MARF1: variants seen among roughly 807,000 people sequenced by gnomAD.
MARF1 encodes limkain-b1.
A neutral mutation model predicts 168.2 loss-of-function variants in MARF1; 24 were observed. That is an observed-to-expected ratio of 0.14 (90% CI 0.10 to 0.20). The LOEUF (loss-of-function observed/expected upper bound fraction) is 0.20, where lower values mean the gene tolerates loss of function less well. MARF1 is among the 10% of genes least tolerant of loss of function. MARF1 has a pLI of 1.00. For synonymous variants in MARF1, 868 were observed against 822.4 expected, an observed-to-expected ratio of 1.06 and a Z score of -0.95; for missense variants, 1,744 against 2,143.6, an observed-to-expected ratio of 0.81 and a Z score of 3.68.
Position 15,615,786 on chromosome 16 carries a change from T to C in MARF1, c.3253+44A>G, listed in dbSNP as rs562337328. On this transcript the variant is annotated intron_variant, in intron 16 of 26. Transcript: ENST00000396368. ...AAGCCAATAGCCTCCTCTGGTCTCATAGTGGACAGGTGGTAGCTCCAGGAC... is the reference window on the plus strand; with the variant it reads ...AAGCCAATAGCCTCCTCTGGTCTCACAGTGGACAGGTGGTAGCTCCAGGAC... 42 of 1,402,412 alleles carry C rather than the reference T, an allele frequency of 3.0e-5. No individual in the cohort carries two copies. The African/African-American group carries it at 3.1e-4, about 10-fold the overall frequency. The allele number at this position is 1,402,412 out of a possible 1,614,324, so 86.9% of individuals were successfully genotyped here. A position where few individuals can be genotyped will look rare whatever the true frequency, so the allele number is the denominator to read the frequency against.
chr16:15,613,619 A>AC (rs1281740654), intron 16 of MARF1, among the ~76,000 whole-genome samples: 1 of 150,732 alleles, frequency 6.6e-6, no homozygotes, highest in Non-Finnish European at 1.5e-5. Context: ...CCTAGATTGC[A>AC]CCACTGCACT....
intron 24 of MARF1, 40 bp from the exon 25 acceptor site, chr16:15,600,593 G>A (rs1037794067): frequency 1.2e-6 from 2 of 1,614,192 alleles, no homozygotes; most frequent in Non-Finnish European, 1.7e-6. Context: ...AAATGTCAGT[G>A]AGAGAACCGT....
intron 13 of MARF1, among the ~76,000 whole-genome samples, chr16:15,619,789 T>C (rs1386873962): frequency 6.6e-6 from 1 of 152,186 alleles, no homozygotes; most frequent in Non-Finnish European, 1.5e-5. Context: ...GGCTGGGTGC[T>C]TAGGATACAG....
At chr16:15,598,148 G>C (rs1274536086) in intron 26 of MARF1, among the ~76,000 whole-genome samples, 1 of 152,204 alleles carries the variant, frequency 6.6e-6, no homozygotes, top group African/African-American at 2.4e-5. Context: ...GACACCGCAG[G>C]ACAAGAGGGC....
chr16:15,601,438 AAC>A (rs1419854180), intron 23 of MARF1: 2 of 239,474 alleles, frequency 8.4e-6, no homozygotes, highest in African/African-American at 2.2e-5. Context: ...AGCTCTCTCC[AAC>A]ACAGTCCTCC....
At chr16:15,602,563 G>A (rs1383243443) in intron 22 of MARF1, 1 of 467,632 alleles carries the variant, frequency 2.1e-6, no homozygotes. Context: ...ATTGGACAAA[G>A]ACAAAGATGA....
rs780267989 is a variant in MARF1, at chr16:15,636,166, A to G, written c.321T>C (p.Asn107=). 1.2e-6 allele frequency: 2 copies of G among 1,614,116 alleles called. No individual in the cohort carries two copies. Among genetic ancestry groups the G allele is most frequent in the African/African-American group, 1.3e-5 (1 of 74,948 alleles). ...AACGCATTGGCGAAGTGGAGGGTTC[A>G]TTAGGGCAATGAGCACAGCAGCTTA... is the stretch of plus-strand genomic sequence containing the variant. ...PKVSCCAHCP[N]EPSTSPMRFG... Residue 107 remains asparagine (N), a synonymous_variant, in exon 3 of 27, where the codon AAT becomes AAC. Transcript: ENST00000396368.
At position 15,600,526 on chromosome 16, in the gene MARF1, G is replaced by C. The variant is rs541183910; in HGVS notation, c.4715C>G (p.Pro1572Arg). The C allele has an allele frequency of 1.1e-4, 182 of 1,614,228 alleles. 1 individual carries two copies. In the East Asian group the frequency reaches 3.3e-3, roughly 29 times the overall value. Residue 1572 changes from proline (P) to arginine (R), a missense_variant, in exon 25 of 27, where the codon CCT becomes CGT. Pro to Arg is a moderately radical substitution (Grantham distance 103). This residue lies in a region of MARF1 where 313 missense variants were observed against 337.4 expected (regional missense o/e 0.93). Transcript: ENST00000396368. ...KSRLSSLSLS[P>R]ANHENQPSEG... is the part of the protein sequence containing the mutation. ...CGAGGGCTGGTTTTCATGATTGGCA[G>C]GGGAGAGACTGAGTGAACTCAAACG...
At chr16:15,601,204 C>T (rs927495757) in intron 23 of MARF1, 10 of 391,042 alleles carry the variant, frequency 2.6e-5, no homozygotes, top group South Asian at 5.6e-5. Flanking sequence ...ATGTGCACAC[C>T]GTCGCCAGGT....
chr16:15,609,876 T>A (rs1276063172), intron 19 of MARF1, 151 bp from the exon 20 acceptor site: 3 of 649,660 alleles, frequency 4.6e-6, no homozygotes, highest in Admixed American at 6.0e-5. Flanking sequence ...ACATATACTC[T>A]TCCCTCTTTG....
intron 17 of MARF1, 144 bp from the exon 18 acceptor site, chr16:15,611,878 C>G: frequency 1.6e-6 from 1 of 639,024 alleles, no homozygotes; most frequent in Non-Finnish European, 2.6e-6. Flanking sequence ...TGTCGATCAA[C>G]AAAATGTAGT....
In MARF1 at chr16:15,636,317, A is replaced by G. The variant is rs1483682304; in HGVS notation, c.170T>C (p.Val57Ala). Residue 57 changes from valine to alanine, a missense_variant, in exon 3 of 27, where the codon GTT (valine) becomes GCT (alanine). By Grantham distance (64) the Val-to-Ala change is moderately conservative. Coordinates refer to ENST00000396368, the MANE Select transcript of MARF1 (RefSeq NM_014647.4). ...QTKEYMENKK[V>A]AVELKDVPSP... ...TGGTACATCCTTTAGTTCCACAGCA[A>G]CTTTCTTGTTCTCCATGTACTCTTT... is the stretch of plus-strand genomic sequence containing the variant. The G allele has an allele frequency of 1.3e-6, 2 of 1,568,684 alleles. No homozygotes were observed. The highest frequency in any genetic ancestry group is 1.7e-6 in the Non-Finnish European group (2 of 1,157,020).
At position 15,635,895 on chromosome 16, in the gene MARF1, G is replaced by A. The variant is rs368379246; in HGVS notation, c.592C>T (p.His198Tyr). 6.2e-6 allele frequency: 10 copies of A among 1,614,044 alleles called. No homozygotes were observed. Among genetic ancestry groups the A allele is most frequent in the African/African-American group, 4.0e-5 (3 of 74,944 alleles). The change falls in exon 3 of 27, where the codon CAC becomes TAC. Residue 198 changes from histidine (H) to tyrosine (Y), a missense_variant. His to Tyr is a moderately conservative substitution (Grantham distance 83). This residue lies in a region of MARF1 where 318 missense variants were observed against 336.6 expected (regional missense o/e 0.94). Coordinates refer to ENST00000396368, the MANE Select transcript of MARF1 (RefSeq NM_014647.4). ...ACATTACCATGACATGACTGGAAGT[G>A]GAGTTTTCCACAACAGGGCAGGTGT... The part of the protein sequence containing the change: ...CKHLPCCGKL[H>Y]FQSCHGNVHK...
rs1309264920 is a variant in MARF1, at chr16:15,634,911, G to A, written c.852C>T (p.Ile284=). The A allele has an allele frequency of 3.7e-6, 6 of 1,613,144 alleles. No individual in the cohort carries two copies. The highest frequency in any genetic ancestry group is 1.3e-5 in the African/African-American group (1 of 74,978). Residue 284 remains isoleucine (I), a synonymous_variant, in exon 4 of 27, where the codon ATC becomes ATT. Transcript: ENST00000396368. ...CLNKPARNSI[I]DAAKVWPNIP... is the part of the protein sequence containing the mutation. ...TATTTGGCCAGACTTTAGCCGCATC[G>A]ATTATGCTATTTCTTGCTGGCTGTT...
At chr16:15,608,199 G>A (rs2033180913) in intron 21 of MARF1, 92 bp downstream of exon 21, 11 of 783,848 alleles carry the variant, frequency 1.4e-5, no homozygotes, top group Non-Finnish European at 2.2e-5. Flanking sequence ...ATAAAGAAAC[G>A]CTACAGCACA....
chr16:15,611,576 C>A lies in MARF1; in HGVS notation c.3617+16G>T. ...TAAAATATTTACTTTCATTTCTGTT[C>A]TTTTCATCAACTCACCAGTGATAAG... On this transcript the variant is annotated intron_variant, in intron 18 of 26. Coordinates refer to ENST00000396368, the MANE Select transcript of MARF1 (RefSeq NM_014647.4). 1.2e-6 allele frequency: 2 copies of A among 1,606,468 alleles called. No homozygotes were observed. Among genetic ancestry groups the A allele is most frequent in the Non-Finnish European group, 1.7e-6 (2 of 1,176,236 alleles).
rs2032806475 is a variant in MARF1, at chr16:15,604,292, G to A, written c.4289C>T (p.Thr1430Ile). The A allele has an allele frequency of 2.5e-6, 4 of 1,613,976 alleles. No individual in the cohort carries two copies. Among genetic ancestry groups the A allele is most frequent in the Non-Finnish European group, 3.4e-6 (4 of 1,179,958 alleles). The part of the protein sequence containing the change: ...LVLLMSWEGT[T>I]HLSVEELKRH... Reference sequence around the variant, plus strand: ...CTTGAGCTCCTCAACAGAAAGATGGGTGGTTCCTTCCCAAGACATCAACAA... The same window carrying A: ...CTTGAGCTCCTCAACAGAAAGATGGATGGTTCCTTCCCAAGACATCAACAA... The change falls in exon 22 of 27, where the codon ACC becomes ATC. Residue 1430 changes from threonine (T) to isoleucine (I), a missense_variant. Thr to Ile is a moderately conservative substitution (Grantham distance 89). This residue lies in a region of MARF1 where 74 missense variants were observed against 66.7 expected (regional missense o/e 1.11). Coordinates refer to ENST00000396368, the MANE Select transcript of MARF1 (RefSeq NM_014647.4).
At chr16:15,613,689 A>AAATAAATAAAT (rs10657514) in intron 16 of MARF1, among the ~76,000 whole-genome samples, 1,678 of 63,846 alleles carry the variant, frequency 0.026, 14 homozygotes, top group Middle Eastern at 0.049. Flanking sequence ...ATAAATAAAT[A>AAATAAATAAAT]AAATAAAATA....
rs370536582 is a variant in MARF1, at chr16:15,614,176, C to CT, written c.3254-1400dup. Among the ~76,000 whole-genome samples the CT allele has an allele frequency of 6.1e-3, 911 of 149,472 alleles. 8 individuals are homozygous for CT. Among genetic ancestry groups the CT allele is most frequent in the Non-Finnish European group, 7.8e-3 (525 of 67,072 alleles). ...TATTTCCTTCAAATACCTGAAAGTA[C>CT]TTTTTTTTTTAAAGACAGAGTTTCG... On this transcript the variant is annotated intron_variant, in intron 16 of 26. Transcript: ENST00000396368.
Sources: gnomAD v4.1 joint callset for allele counts (sites outside exome capture counted in the v4.1 genomes callset) on GRCh38, gnomAD v4.1.1 for gene constraint, gnomAD v4.1.1 regional missense constraint, MANE v1.5 for transcripts, NCBI Gene and HGNC (gene_info 2026-07-23, HGNC 2026-07-21) for gene names.